CELF4: variants seen among roughly 807,000 people sequenced by gnomAD.
CELF4 encodes the protein CUGBP Elav-like family member 4.
A neutral mutation model predicts 59.9 loss-of-function variants in CELF4; 18 were observed. That is an observed-to-expected ratio of 0.30 (90% confidence interval 0.21 to 0.45). CELF4 has a LOEUF of 0.45. CELF4 is among the 20% of genes least tolerant of loss of function. The pLI is 1.00. For synonymous variants in CELF4, 261 were observed against 267.1 expected, an observed-to-expected ratio of 0.98 and a Z score of 0.22; for missense variants, 456 against 689.0, an observed-to-expected ratio of 0.66 and a Z score of 3.79.
intron 2 of CELF4, among the ~76,000 whole-genome samples, chr18:37,353,018 G>C (rs774243973): frequency 3.7e-4 from 56 of 152,146 alleles, no homozygotes; most frequent in Non-Finnish European, 7.4e-4. Flanking sequence ...TCAGGAGATC[G>C]AGACCATCCT....
chr18:37,554,235 G>A (rs2099984105), intron 1 of CELF4, among the ~76,000 whole-genome samples: 1 of 152,192 alleles, frequency 6.6e-6, no homozygotes, highest in Non-Finnish European at 1.5e-5. Flanking sequence ...TGCAAGGAAG[G>A]CTGGGTTGTG....
chr18:37,424,945 A>G (rs1197831089), intron 2 of CELF4, among the ~76,000 whole-genome samples: 3 of 151,976 alleles, frequency 2.0e-5, no homozygotes, highest in African/African-American at 7.3e-5. Context: ...TCTGACCCTC[A>G]ACCTGCACCT....
rs565586632 is a variant in CELF4, at chr18:37,480,656, A to G, written c.369+4869T>C. On this transcript the variant is annotated intron_variant, in intron 2 of 12. Coordinates refer to ENST00000420428, the MANE Select transcript of CELF4 (RefSeq NM_020180.4). ...TGGGCCTTGCCAGGGAAGCCCCCGT[A>G]TGGTGATGGGGGCCCCACCAGAGCC... Among the ~76,000 whole-genome samples the G allele has an allele frequency of 2.0e-5, 3 of 152,246 alleles. No homozygotes were observed. In the South Asian group the frequency reaches 6.2e-4, roughly 32 times the overall value.
intron 2 of CELF4, among the ~76,000 whole-genome samples, chr18:37,359,537 T>C (rs1285446041): frequency 1.3e-5 from 2 of 152,118 alleles, no homozygotes; most frequent in African/African-American, 4.8e-5. Flanking sequence ...TCTCGCTATG[T>C]TGCCTAGGCT....
At chr18:37,359,410 T>G (rs1345097823) in intron 2 of CELF4, among the ~76,000 whole-genome samples, 1 of 151,642 alleles carries the variant, frequency 6.6e-6, no homozygotes, top group East Asian at 2.0e-4. Flanking sequence ...GGCGGGATTA[T>G]AGCTCACTGT....
intron 3 of CELF4, chr18:37,276,455 T>C (rs2093294067): frequency 6.6e-6 from 1 of 152,214 alleles, no homozygotes; most frequent in Non-Finnish European, 1.5e-5. Context: ...CACTTGCCTC[T>C]GTTTTGTGGG....
At chr18:37,466,956 C>G (rs2099810620) in intron 2 of CELF4, among the ~76,000 whole-genome samples, 3 of 152,096 alleles carry the variant, frequency 2.0e-5, no homozygotes. Flanking sequence ...GCCACATGCT[C>G]ACGGGTGGGG....
At chr18:37,321,674 C>T (rs1380407074) in intron 3 of CELF4, 129 bp downstream of exon 3, 1 of 659,040 alleles carries the variant, frequency 1.5e-6, no homozygotes, top group African/African-American at 1.8e-5. Flanking sequence ...TGTCCCCAAC[C>T]CTCAGCCACG....
chr18:37,517,960 G>C (rs1364292788), intron 1 of CELF4, among the ~76,000 whole-genome samples: 15 of 152,176 alleles, frequency 9.9e-5, no homozygotes, highest in Admixed American at 9.8e-4. Context: ...ATAACTGGGG[G>C]TAAGTCTGTA....
At chr18:37,415,321 G>A (rs1480301579) in intron 2 of CELF4, among the ~76,000 whole-genome samples, 1 of 152,248 alleles carries the variant, frequency 6.6e-6, no homozygotes, top group Non-Finnish European at 1.5e-5. Context: ...AGAAAATCCA[G>A]CCTAGCTATC....
At chr18:37,469,049 T>C (rs1031264700) in intron 2 of CELF4, among the ~76,000 whole-genome samples, 2 of 152,206 alleles carry the variant, frequency 1.3e-5, no homozygotes, top group African/African-American at 4.8e-5. Flanking sequence ...TCAGATTTCC[T>C]GGGGCCATCT....
intron 8 of CELF4, among the ~76,000 whole-genome samples, chr18:37,270,331 G>A (rs1422533773): frequency 6.6e-6 from 1 of 152,236 alleles, no homozygotes; most frequent in Non-Finnish European, 1.5e-5. Context: ...TAGACAGACT[G>A]CCAATCGTTA....
At chr18:37,420,746 A>C (rs974658326) in intron 2 of CELF4, among the ~76,000 whole-genome samples, 1 of 152,180 alleles carries the variant, frequency 6.6e-6, no homozygotes, top group African/African-American at 2.4e-5. Context: ...CCTGCATCCC[A>C]CAGAGAGAGC....
rs1400965889 is a variant in CELF4 at position 37,451,174 on chromosome 18, G to C, written c.369+34351C>G. ...GAGGACATGGGCAGAGTAGGGGACAGAGTGGTGGCTCCCTTGGGAGGAGGA... is the reference window on the plus strand; with the variant it reads ...GAGGACATGGGCAGAGTAGGGGACACAGTGGTGGCTCCCTTGGGAGGAGGA... On this transcript the variant is annotated intron_variant, in intron 2 of 12. Coordinates refer to ENST00000420428, the MANE Select transcript of CELF4 (RefSeq NM_020180.4). 4.6e-5 allele frequency among the ~76,000 whole-genome samples: 7 copies of C among 152,368 alleles called. No individual in the cohort carries two copies. In the East Asian group the frequency reaches 1.4e-3, roughly 29 times the overall value.
At chr18:37,454,925 T>C (rs1028014101) in intron 2 of CELF4, among the ~76,000 whole-genome samples, 1 of 152,180 alleles carries the variant, frequency 6.6e-6, no homozygotes, top group Non-Finnish European at 1.5e-5. Context: ...GTGACGTGTC[T>C]CCAGCACGAG....
chr18:37,468,972 C>T (rs1012937598), intron 2 of CELF4, among the ~76,000 whole-genome samples: 3 of 152,126 alleles, frequency 2.0e-5, no homozygotes, highest in Non-Finnish European at 2.9e-5. Context: ...AGAGCCAAAC[C>T]ATATCACCTG....
intron 9 of CELF4, among the ~76,000 whole-genome samples, chr18:37,265,033 G>A (rs1025817845): frequency 8.0e-5 from 12 of 150,804 alleles, no homozygotes; most frequent in Admixed American, 6.6e-4. Context: ...GTGTGTGTAC[G>A]TGTGTGTGTA....
chr18:37,389,847 C>T (rs963926525), intron 2 of CELF4, among the ~76,000 whole-genome samples: 4 of 152,222 alleles, frequency 2.6e-5, no homozygotes, highest in African/African-American at 4.8e-5. Context: ...TGAATCCACC[C>T]TGGTCACAAA....
intron 2 of CELF4, among the ~76,000 whole-genome samples, chr18:37,346,689 C>T (rs542095340): frequency 6.6e-6 from 1 of 152,122 alleles, no homozygotes; most frequent in African/African-American, 2.4e-5. Flanking sequence ...GGGCGAGGCT[C>T]GGGATTGGAG....
Sources: allele counts gnomAD v4.1 joint callset (sites outside exome capture counted in the v4.1 genomes callset), GRCh38; gene constraint gnomAD v4.1.1; transcripts MANE v1.5; gene names NCBI Gene and HGNC (gene_info 2026-07-23, HGNC 2026-07-21).